CNTLN: variants seen among roughly 807,000 people sequenced by gnomAD.
The protein encoded by CNTLN is centlein, centrosomal protein.
A neutral mutation model predicts 180.0 loss-of-function variants in CNTLN; 212 were observed. The observed-to-expected ratio is 1.18, with a 90% CI of 1.05 to 1.32. CNTLN has a LOEUF of 1.32. Among genes scored for constraint, CNTLN ranks in the 40% most tolerant of loss-of-function variants. The pLI is 0.00. For missense variants in CNTLN, 2,095 were observed against 1,610.9 expected, an observed-to-expected ratio of 1.30 and a Z score of -5.14; for synonymous variants, 722 against 563.1, an observed-to-expected ratio of 1.28 and a Z score of -3.99.
At chr9:17,236,973 T>TA (rs1215718053) in intron 5 of CNTLN, among the ~76,000 whole-genome samples, 1 of 152,114 alleles carries the variant, frequency 6.6e-6, no homozygotes, top group Non-Finnish European at 1.5e-5. Flanking sequence ...ATATAAAGTG[T>TA]AAAAAATACT....
At chr9:17,215,104 A>C (rs1390690758) in intron 2 of CNTLN, among the ~76,000 whole-genome samples, 2 of 152,200 alleles carry the variant, frequency 1.3e-5, no homozygotes. Flanking sequence ...GAGGAGCTGC[A>C]TTCCTTTGGA....
Position 17,236,513 on chromosome 9 carries a change from A to C in CNTLN, c.774A>C (p.Leu258=). 1 of 1,613,732 alleles carries C rather than the reference A, an allele frequency of 6.2e-7. No individual in the cohort carries two copies. The highest frequency in any genetic ancestry group is 8.5e-7 in the Non-Finnish European group (1 of 1,179,786). Residue 258 remains leucine, a synonymous_variant, in exon 5 of 26, where the codon CTA becomes CTC. Coordinates refer to ENST00000380647, the MANE Select transcript of CNTLN (RefSeq NM_017738.4). ...TAAGTACCCGCTGCACTGACCTGCTAAATGACCTGGAGAAATTGAGGAAGC... is the reference window on the plus strand; with the variant it reads ...TAAGTACCCGCTGCACTGACCTGCTCAATGACCTGGAGAAATTGAGGAAGC... ...KKLSTRCTDL[L]NDLEKLRKQE... is the part of the protein sequence containing the mutation.
At chr9:17,511,718 G>A in the CNTLN span, among the ~76,000 whole-genome samples, 1 of 151,838 alleles carries the variant, frequency 6.6e-6, no homozygotes, top group African/African-American at 2.4e-5. Flanking sequence ...GATTAGACAA[G>A]AGCGTGAATA....
intron 5 of CNTLN, among the ~76,000 whole-genome samples, chr9:17,256,622 C>T (rs1826510288): frequency 6.6e-6 from 1 of 151,384 alleles, no homozygotes; most frequent in Non-Finnish European, 1.5e-5. Context: ...AATCATGCAG[C>T]AACTCATTCT....
rs1818228037 is a variant in CNTLN, at chr9:17,143,269, T to G, written c.361-19T>G. On this transcript the variant is annotated intron_variant, in intron 1 of 25. Coordinates refer to ENST00000380647, the MANE Select transcript of CNTLN (RefSeq NM_017738.4). ...CCACTACAAAGCAATGCATCTAAATTCTCTTTTATTTCTTTAAGGCTGATA... is the reference window on the plus strand; with the variant it reads ...CCACTACAAAGCAATGCATCTAAATGCTCTTTTATTTCTTTAAGGCTGATA... 2 of 1,580,100 alleles carry G rather than the reference T, an allele frequency of 1.3e-6. No homozygotes were observed. The highest frequency in any genetic ancestry group is 1.7e-6 in the Non-Finnish European group (2 of 1,154,722).
In CNTLN at chr9:17,310,689, A is replaced by G. The variant is rs1207464706; in HGVS notation, c.1341+1437A>G. Among the ~76,000 whole-genome samples the G allele has an allele frequency of 3.3e-5, 5 of 152,318 alleles. No homozygotes were observed. In the East Asian group the frequency reaches 7.7e-4, roughly 23 times the overall value. On this transcript the variant is annotated intron_variant, in intron 8 of 25. Transcript: ENST00000380647. ...TTTTATCAGTTTTACTACCACCAAC[A>G]ATATAAAAGAGATCTGGTTGTTTCC...
the CNTLN span, among the ~76,000 whole-genome samples, chr9:17,512,415 G>A: frequency 2.6e-5 from 4 of 152,276 alleles, no homozygotes; most frequent in South Asian, 8.3e-4. Context: ...AATTACTGCA[G>A]GAACAGAAAG....
At chr9:17,522,444 T>C in the CNTLN span, among the ~76,000 whole-genome samples, 1 of 152,218 alleles carries the variant, frequency 6.6e-6, no homozygotes, top group African/African-American at 2.4e-5. Context: ...CCTTTACTGC[T>C]ATGCCATCCT....
chr9:17,222,867 A>G (rs923403100), intron 2 of CNTLN, among the ~76,000 whole-genome samples: 21 of 151,674 alleles, frequency 1.4e-4, no homozygotes, highest in Non-Finnish European at 2.2e-4. Flanking sequence ...TTTTTTCCTT[A>G]TCTTACTAAT....
chr9:17,453,824 A>C (rs2134132422), intron 18 of CNTLN, among the ~76,000 whole-genome samples: 1 of 152,298 alleles, frequency 6.6e-6, no homozygotes, highest in Admixed American at 6.5e-5. Flanking sequence ...ATAACATGGC[A>C]ACTTACTTCT....
chr9:17,493,465 G>A (rs530061851), intron 25 of CNTLN, among the ~76,000 whole-genome samples: 10 of 152,150 alleles, frequency 6.6e-5, no homozygotes, highest in African/African-American at 2.4e-4. Context: ...CCTATACCGT[G>A]CTAAGGGAAA....
At chr9:17,184,877 C>T (rs529430151) in intron 2 of CNTLN, among the ~76,000 whole-genome samples, 5 of 152,116 alleles carry the variant, frequency 3.3e-5, no homozygotes, top group East Asian at 1.9e-4. Context: ...AAATTATTAC[C>T]GTATTTTTCT....
intron 2 of CNTLN, among the ~76,000 whole-genome samples, chr9:17,217,884 A>G (rs537410468): frequency 3.3e-5 from 5 of 152,298 alleles, no homozygotes; most frequent in Non-Finnish European, 7.4e-5. Flanking sequence ...TCAGCTTTGT[A>G]TATTTAGAAA....
chr9:17,257,995 G>A (rs1336035777), intron 5 of CNTLN, among the ~76,000 whole-genome samples: 9 of 150,218 alleles, frequency 6.0e-5, no homozygotes, highest in African/African-American at 1.7e-4. Flanking sequence ...GATCCCATTT[G>A]TCAATTTTGT....
intron 12 of CNTLN, among the ~76,000 whole-genome samples, chr9:17,363,862 TA>T (rs1823596639): frequency 6.6e-6 from 1 of 152,152 alleles, no homozygotes; most frequent in Non-Finnish European, 1.5e-5. Context: ...ATTTTCTTCT[TA>T]AAATATATAT....
At chr9:17,493,834 C>A (rs1262964926) in intron 25 of CNTLN, among the ~76,000 whole-genome samples, 1 of 152,186 alleles carries the variant, frequency 6.6e-6, no homozygotes, top group Non-Finnish European at 1.5e-5. Context: ...CACGTGAGTG[C>A]CTGAGATTCA....
At chr9:17,334,420 TACACACACAC>T (rs56376464) in intron 10 of CNTLN, among the ~76,000 whole-genome samples, 6 of 149,720 alleles carry the variant, frequency 4.0e-5, no homozygotes, top group African/African-American at 1.5e-4. Flanking sequence ...GCCAATAGAA[TACACACACAC>T]ACACACACAC....
chr9:17,298,238 T>C lies in CNTLN; in HGVS notation c.1032T>C (p.His344=). ...ATCTTTACAAACAGAACAGTACACA[T>C]ACAGCCCAGCAAGCAGAGCTGATCC... is the stretch of plus-strand genomic sequence containing the variant. The part of the protein sequence containing the change: ...LQNLYKQNST[H]TAQQAELIQQ... Residue 344 remains histidine, a synonymous_variant, in exon 7 of 26, where the codon CAT becomes CAC. Transcript: ENST00000380647. The C allele has an allele frequency of 6.2e-7, 1 of 1,611,096 alleles. No individual in the cohort carries two copies. Among genetic ancestry groups the C allele is most frequent in the Non-Finnish European group, 8.5e-7 (1 of 1,179,028 alleles).
chr9:17,340,456 T>C (rs1041322765), intron 10 of CNTLN, among the ~76,000 whole-genome samples: 40 of 152,230 alleles, frequency 2.6e-4, no homozygotes, highest in African/African-American at 9.4e-4. Context: ...ATTTGCACTT[T>C]AATAAAATAA....
Sources: gnomAD v4.1 joint callset for allele counts (sites outside exome capture counted in the v4.1 genomes callset) on GRCh38, gnomAD v4.1.1 for gene constraint, MANE v1.5 for transcripts, NCBI Gene and HGNC (gene_info 2026-07-23, HGNC 2026-07-21) for gene names.